Variants in CACNA1D observed in about 807,000 individuals in gnomAD.
CACNA1D encodes calcium voltage-gated channel subunit alpha1 D.
Under a neutral mutation model 257.1 loss-of-function variants are expected in CACNA1D, and 55 were observed. The ratio of observed to expected loss-of-function variants is 0.21; its 90% CI spans 0.17 to 0.27. The LOEUF (loss-of-function observed/expected upper bound fraction) is 0.27. CACNA1D is among the 10% of genes least tolerant of loss of function. The pLI is 1.00. For missense variants in CACNA1D, 1,876 were observed against 2,784.0 expected (o/e 0.67, Z 7.34); for synonymous variants, 980 against 1,014.9 (o/e 0.97, Z 0.65).
At chr3:53,675,701 A>G (rs1013078037) in intron 8 of CACNA1D, among the ~76,000 whole-genome samples, 2 of 152,212 alleles carry the variant, frequency 1.3e-5, no homozygotes, top group Admixed American at 6.5e-5. Flanking sequence ...TAAAAAAGGT[A>G]CACTCCTTCA....
rs140215004 is a variant in CACNA1D, at chr3:53,811,137, C to T, written c.6217C>T (p.Arg2073Cys). Residue 2073 changes from arginine to cysteine, a missense_variant, in exon 48 of 48, where the codon CGC becomes TGC. Arg to Cys is a radical substitution (Grantham distance 180). Around this residue, in one of 10 missense-constraint regions of CACNA1D, gnomAD observed 491 missense variants for 554.3 expected, o/e 0.89. Coordinates refer to ENST00000350061, the MANE Select transcript of CACNA1D (RefSeq NM_001128840.3). The surrounding 1 kb of genome is among the most constrained non-coding windows in gnomAD (Gnocchi z 4.2). ...GGTCCTGATATCCGAAGGCTTGGGA[C>T]GCTATGCAAGGGACCCAAAATTTGT... The part of the protein sequence containing the change: ...EAVLISEGLG[R>C]YARDPKFVSA... 44 of 1,613,950 alleles carry T rather than the reference C, an allele frequency of 2.7e-5. No homozygotes were observed. The highest frequency in any genetic ancestry group is 1.6e-4 in the Middle Eastern group (1 of 6,062).
Position 53,783,955 on chromosome 3 carries a change from G to A in CACNA1D, c.4792+2288G>A, listed in dbSNP as rs1191765704. ...CTCCAAGTGGCTGGGACTGGCAGATGTGGGGTGCTCAGGAAGCCCCTTTTA... is the reference window on the plus strand; with the variant it reads ...CTCCAAGTGGCTGGGACTGGCAGATATGGGGTGCTCAGGAAGCCCCTTTTA... On this transcript the variant is annotated intron_variant, in intron 39 of 47. Transcript: ENST00000350061. Among the ~76,000 whole-genome samples the A allele has an allele frequency of 2.6e-5, 4 of 152,348 alleles. No homozygotes were observed. In the South Asian group the frequency reaches 8.3e-4, roughly 32 times the overall value.
At chr3:53,602,465 T>C (rs1410224192) in intron 3 of CACNA1D, among the ~76,000 whole-genome samples, 6 of 152,262 alleles carry the variant, frequency 3.9e-5, no homozygotes, top group Admixed American at 6.5e-5. Flanking sequence ...CTGTTGGCTG[T>C]ATACTCAGTT....
intron 3 of CACNA1D, among the ~76,000 whole-genome samples, chr3:53,535,753 T>A (rs904344096): frequency 2.6e-5 from 4 of 152,234 alleles, no homozygotes; most frequent in African/African-American, 7.2e-5. Flanking sequence ...TGATATATCC[T>A]AGACCACAAA....
chr3:53,719,622 G>A, intron 10 of CACNA1D, 133 bp from the exon 11 acceptor site: 11 of 837,198 alleles, frequency 1.3e-5, no homozygotes, highest in Non-Finnish European at 2.3e-5. Flanking sequence ...GCCCCTGCTG[G>A]CCTGCTGTGG....
chr3:53,690,019 A>G (rs2094505411), intron 8 of CACNA1D, among the ~76,000 whole-genome samples: 1 of 151,960 alleles, frequency 6.6e-6, no homozygotes, highest in South Asian at 2.1e-4. Flanking sequence ...AATCATCTCC[A>G]CTACTTTGAT....
At chr3:53,754,017 C>T (rs2108894045) in intron 29 of CACNA1D, among the ~76,000 whole-genome samples, 1 of 152,350 alleles carries the variant, frequency 6.6e-6, no homozygotes, top group South Asian at 2.1e-4. Context: ...ATTACTTGAG[C>T]ACTAGAGAAA....
intron 29 of CACNA1D, 150 bp from the exon 30 acceptor site, chr3:53,761,848 C>G: frequency 1.4e-6 from 1 of 701,418 alleles, no homozygotes; most frequent in Non-Finnish European, 2.7e-6. Flanking sequence ...CCCTTTCCAC[C>G]AGTGGACAGT....
intron 3 of CACNA1D, among the ~76,000 whole-genome samples, chr3:53,579,057 G>A (rs1298467609): frequency 2.0e-5 from 3 of 152,190 alleles, no homozygotes; most frequent in Non-Finnish European, 4.4e-5. Context: ...AGGAGGAGCC[G>A]CCATCAGCTC....
intron 1 of CACNA1D, among the ~76,000 whole-genome samples, chr3:53,496,779 G>T (rs1278676872): frequency 6.6e-6 from 1 of 152,126 alleles, no homozygotes; most frequent in Admixed American, 6.5e-5. Context: ...GTATGTATCT[G>T]TTACTCATTA....
intron 3 of CACNA1D, among the ~76,000 whole-genome samples, chr3:53,620,092 T>C (rs950390145): frequency 2.0e-5 from 3 of 152,194 alleles, no homozygotes; most frequent in Non-Finnish European, 2.9e-5. Flanking sequence ...AAGTATCATG[T>C]ATCAGCTCTG....
rs190325478 is a variant in CACNA1D at position 53,800,088 on chromosome 3, A to G, written c.4924-161A>G. ...CCTCTGGATGCCTGACCATACCAAC[A>G]ACCCTTAGACTGCCTTCAGTGACAT... On this transcript the variant is annotated intron_variant, in intron 40 of 47. Coordinates refer to ENST00000350061, the MANE Select transcript of CACNA1D (RefSeq NM_001128840.3). This position sits in a 1 kb window ranked among gnomAD's most constrained non-coding sequence, Gnocchi z 4.3. 1,033 of 733,094 alleles carry G rather than the reference A, an allele frequency of 1.4e-3. 9 individuals carry two copies. The African/African-American group carries it at 0.015, about 10-fold the overall frequency. 45.4% of individuals were successfully genotyped at this position (733,094 alleles called of 1,614,324 possible).
chr3:53,619,525 G>T (rs1289984745), intron 3 of CACNA1D, among the ~76,000 whole-genome samples: 5 of 152,306 alleles, frequency 3.3e-5, no homozygotes, highest in Admixed American at 2.0e-4. Context: ...CACAGTGCTG[G>T]GAGATGGCTA....
chr3:53,722,934 G>A (rs893410771), intron 12 of CACNA1D, among the ~76,000 whole-genome samples: 1 of 152,136 alleles, frequency 6.6e-6, no homozygotes, highest in Admixed American at 6.5e-5. Context: ...CTTTCATCCA[G>A]TCAAACCCGT....
At chr3:53,520,044 T>A (rs889446761) in intron 3 of CACNA1D, among the ~76,000 whole-genome samples, 18 of 152,256 alleles carry the variant, frequency 1.2e-4, no homozygotes, top group African/African-American at 4.3e-4. Context: ...TATCTCTTCA[T>A]CAACTGATGA....
intron 9 of CACNA1D, among the ~76,000 whole-genome samples, chr3:53,706,288 G>A (rs978751057): frequency 6.6e-6 from 1 of 152,208 alleles, no homozygotes; most frequent in East Asian, 1.9e-4. Context: ...CCTCAGCCTA[G>A]ATGAGCAGAA....
At chr3:53,773,407 G>C (rs149005090) in intron 33 of CACNA1D, 1 of 187,072 alleles carries the variant, frequency 5.3e-6, no homozygotes, top group African/African-American at 2.4e-5. Flanking sequence ...TCCTGGGCAT[G>C]GGAAAGGGAC....
intron 37 of CACNA1D, among the ~76,000 whole-genome samples, chr3:53,779,215 G>A (rs1381630888): frequency 6.6e-6 from 1 of 152,188 alleles, no homozygotes; most frequent in African/African-American, 2.4e-5. Flanking sequence ...GTGAAAAAAA[G>A]GAGAAGACTG....
At chr3:53,547,961 A>G (rs1040432881) in intron 3 of CACNA1D, among the ~76,000 whole-genome samples, 3 of 152,164 alleles carry the variant, frequency 2.0e-5, no homozygotes, top group Admixed American at 6.5e-5. Flanking sequence ...AGCGTGAGCA[A>G]TGGGGACAGC....
Sources: gnomAD v4.1 joint callset for allele counts (sites outside exome capture counted in the v4.1 genomes callset) on GRCh38, gnomAD v4.1.1 for gene constraint, gnomAD v4.1.1 regional missense constraint, Gnocchi (gnomAD v3.1) non-coding constraint, MANE v1.5 for transcripts, NCBI Gene and HGNC (gene_info 2026-07-23, HGNC 2026-07-21) for gene names.